Variants in DUOXA1 observed in about 807,000 individuals in gnomAD.
DUOXA1 encodes the protein dual oxidase maturation factor 1.
DUOXA1 carries 19 observed loss-of-function variants against 26.6 expected under a neutral mutation model. The observed-to-expected ratio is 0.71, with a 90% CI of 0.50 to 1.05. The LOEUF (loss-of-function observed/expected upper bound fraction) is 1.05. Ranked by LOEUF, DUOXA1 falls within the 50% of genes least tolerant of loss-of-function variation. The pLI, the probability that DUOXA1 is intolerant of heterozygous loss-of-function variation, is 0.00. For missense variants in DUOXA1, 403 were observed against 427.5 expected, an observed-to-expected ratio of 0.94 and a Z score of 0.51; for synonymous variants, 166 against 177.0, an observed-to-expected ratio of 0.94 and a Z score of 0.49.
intron 3 of DUOXA1, among the ~76,000 whole-genome samples, chr15:45,126,143 A>C (rs1393962980): frequency 2.0e-5 from 3 of 152,156 alleles, no homozygotes; most frequent in Non-Finnish European, 4.4e-5. Flanking sequence ...CTCTGCCCTA[A>C]CCCAAGCTCA....
At position 45,122,339 on chromosome 15, in the gene DUOXA1, CT is replaced by C. The variant is rs1271838070; in HGVS notation, c.148-98del. Reference sequence around the variant, plus strand: ...TGGGGGAGGGGCGGGAATTCTAAAGCTGAGATCACTTGGTCAATTGAAATCA... The same window carrying C: ...TGGGGGAGGGGCGGGAATTCTAAAGCGAGATCACTTGGTCAATTGAAATCA... On this transcript the variant is annotated intron_variant, in intron 4 of 8. Transcript: ENST00000560572. 3 of 1,188,624 alleles carry C rather than the reference CT, an allele frequency of 2.5e-6. No individual in the cohort carries two copies. The African/African-American group carries it at 4.5e-5, about 18-fold the overall frequency. 73.6% of individuals were successfully genotyped at this position (1,188,624 alleles called of 1,614,324 possible).
At position 45,118,060 on chromosome 15, in the gene DUOXA1, C is replaced by T. The variant is rs1260999871; in HGVS notation, c.*1046G>A. On this transcript the variant is annotated 3_prime_UTR_variant, in exon 9 of 9. Transcript: ENST00000560572. ...ATCCGCAGGCACCAGGGAAAGTCTC[C>T]TGGGGCGATCTGTAAATAAACCTTT... 6.4e-7 allele frequency: 1 copy of T among 1,554,884 alleles called. No homozygotes were observed. Among genetic ancestry groups the T allele is most frequent in the Non-Finnish European group, 8.7e-7 (1 of 1,152,280 alleles).
Position 45,119,331 on chromosome 15 carries a change from C to T in DUOXA1, c.807G>A (p.Ala269=), listed in dbSNP as rs750581745. The change falls in exon 9 of 9, where the codon GCG becomes GCA. Residue 269 remains alanine, a synonymous_variant. Transcript: ENST00000560572. ...TGTGAGGCTGCATCCTGTGGGCCAC[C>T]GCCATAGCCAGGCCCAGCAGCACAC... ...LLCVLLGLAM[A]VAHRMQPHRL... The T allele has an allele frequency of 2.1e-5, 34 of 1,613,448 alleles. No homozygotes were observed. Among genetic ancestry groups the T allele is most frequent in the Admixed American group, 1.0e-4 (6 of 59,942 alleles).
At position 45,117,379 on chromosome 15, in the gene DUOXA1, T is replaced by C; in HGVS notation, c.*1727A>G. On this transcript the variant is annotated 3_prime_UTR_variant, in exon 9 of 9. Coordinates refer to ENST00000560572, the MANE Select transcript of DUOXA1 (RefSeq NM_001276266.2). ...TCACACCGGGTGTGCACTTTCCAGTTTACAGAATGAATTCACATCTATTAC... is the reference window on the plus strand; with the variant it reads ...TCACACCGGGTGTGCACTTTCCAGTCTACAGAATGAATTCACATCTATTAC... 6.6e-7 allele frequency: 1 copy of C among 1,504,470 alleles called. No homozygotes were observed. 93.2% of individuals were successfully genotyped at this position (1,504,470 alleles called of 1,614,324 possible).
At position 45,117,638 on chromosome 15, in the gene DUOXA1, G is replaced by A. The variant is rs751877247; in HGVS notation, c.*1468C>T. On this transcript the variant is annotated 3_prime_UTR_variant, in exon 9 of 9. Coordinates refer to ENST00000560572, the MANE Select transcript of DUOXA1 (RefSeq NM_001276266.2). ...GGTCGAGGCAGGAAGGTCGTTTGAG[G>A]CCAGAGTTCGAGACCAGCCTGGGCA... 10 of 1,613,720 alleles carry A rather than the reference G, an allele frequency of 6.2e-6. No homozygotes were observed. The highest frequency in any genetic ancestry group is 5.5e-5 in the South Asian group (5 of 91,072).
At chr15:45,126,567 C>T (rs1314658942) in intron 3 of DUOXA1, among the ~76,000 whole-genome samples, 4 of 152,240 alleles carry the variant, frequency 2.6e-5, no homozygotes, top group African/African-American at 9.6e-5. Context: ...ACAATGATTA[C>T]ATTGTACTCT....
chr15:45,122,907 G>C lies in DUOXA1; in HGVS notation c.108C>G (p.Ala36=). Reference sequence around the variant, plus strand: ...TGCCAGGCAGGATGACGATGAACGTGGCCAGTGCAGTCAGAAAGATCATGA... The same window carrying C: ...TGCCAGGCAGGATGACGATGAACGTCGCCAGTGCAGTCAGAAAGATCATGA... ...SIIMIFLTAL[A]TFIVILPGIR... is the part of the protein sequence containing the mutation. The change falls in exon 4 of 9, where the codon GCC becomes GCG. Residue 36 remains alanine, a synonymous_variant. Coordinates refer to ENST00000560572, the MANE Select transcript of DUOXA1 (RefSeq NM_001276266.2). 6.2e-7 allele frequency: 1 copy of C among 1,612,732 alleles called. No individual in the cohort carries two copies. The highest frequency in any genetic ancestry group is 8.5e-7 in the Non-Finnish European group (1 of 1,179,570).
At chr15:45,128,581 T>G (rs546649234) in intron 3 of DUOXA1, among the ~76,000 whole-genome samples, 2 of 152,328 alleles carry the variant, frequency 1.3e-5, no homozygotes, top group East Asian at 3.9e-4. Flanking sequence ...TGTGTACGTG[T>G]GTATCTGTGT....
rs977638538 is a variant in DUOXA1, at chr15:45,129,164, G to C, written c.-146-30C>G. 6.6e-6 allele frequency: 1 copy of C among 152,138 alleles called. No homozygotes were observed. The highest frequency in any genetic ancestry group is 2.4e-5 in the African/African-American group (1 of 41,414). 9.4% of individuals were successfully genotyped at this position (152,138 alleles called of 1,614,324 possible). ...GAACAAACGCGCGCCCTTACTCTCA[G>C]TGGGGCTCCCGTCCGACCCCCACTC... On this transcript the variant is annotated intron_variant, in intron 2 of 8. Coordinates refer to ENST00000560572, the MANE Select transcript of DUOXA1 (RefSeq NM_001276266.2). The surrounding 1 kb of genome is among the most constrained non-coding windows in gnomAD (Gnocchi z 4.1).
chr15:45,120,495 C>T lies in DUOXA1; in HGVS notation c.554+97G>A, dbSNP rs1895078897. 3 of 1,495,938 alleles carry T rather than the reference C, an allele frequency of 2.0e-6. No individual in the cohort carries two copies. In the South Asian group the frequency reaches 3.4e-5, roughly 17 times the overall value. The allele number at this position is 1,495,938 out of a possible 1,614,324, so 92.7% of individuals were successfully genotyped here. A position where few individuals can be genotyped will look rare whatever the true frequency, so the allele number is the denominator to read the frequency against. ...TGGGGACTGGTGCCAGGCCACCCCA[C>T]CTGAGATACCCACATGAGTGGAGGA... On this transcript the variant is annotated intron_variant, in intron 7 of 8. Coordinates refer to ENST00000560572, the MANE Select transcript of DUOXA1 (RefSeq NM_001276266.2).
intron 7 of DUOXA1, 25 bp downstream of exon 7, chr15:45,120,567 C>G: frequency 6.2e-7 from 1 of 1,611,358 alleles, no homozygotes; most frequent in African/African-American, 1.3e-5. Flanking sequence ...CCAGGGCCTC[C>G]ACCCCGTCTC....
rs756865646 is a variant in DUOXA1, at chr15:45,120,779, T to G, written c.367A>C (p.Thr123Pro). The G allele has an allele frequency of 5.0e-6, 8 of 1,614,020 alleles. No individual in the cohort carries two copies. The South Asian group carries it at 8.8e-5, about 18-fold the overall frequency. The change falls in exon 7 of 9, where the codon ACC becomes CCC. Residue 123 changes from threonine to proline, a missense_variant. Transcript: ENST00000560572. ...TGTPVQQLNE[T>P]INYNEEFTWR... ...GTGAACTCCTCGTTGTAATTGATGG[T>G]CTCATTCAGCTGCTGCACGGGGGTC... is the stretch of plus-strand genomic sequence containing the variant.
chr15:45,122,273 G>T (rs764527409), intron 4 of DUOXA1, 31 bp from the exon 5 acceptor site: 1 of 1,583,418 alleles, frequency 6.3e-7, no homozygotes, highest in East Asian at 2.3e-5. Context: ...GTTAAGTAAA[G>T]AGTGCCTTCC....
intron 3 of DUOXA1, among the ~76,000 whole-genome samples, chr15:45,125,880 G>A (rs1895640335): frequency 1.3e-5 from 2 of 152,170 alleles, no homozygotes; most frequent in South Asian, 4.2e-4. Context: ...ATGTCTTCAG[G>A]TAGTCCTCCT....
intron 8 of DUOXA1, 138 bp from the exon 9 acceptor site, chr15:45,119,503 C>G: frequency 7.3e-7 from 1 of 1,364,584 alleles, no homozygotes; most frequent in Non-Finnish European, 9.7e-7. Context: ...AGAGAGGTGA[C>G]TGGCTGAGGG....
In DUOXA1 at chr15:45,118,348, C is replaced by T. The variant is rs1894828371; in HGVS notation, c.*758G>A. ...GCAGTGATGAGGCAGGTCACCCACT[C>T]CCCCGTCCTGGATGCCACTCAGCTA... On this transcript the variant is annotated 3_prime_UTR_variant, in exon 9 of 9. Coordinates refer to ENST00000560572, the MANE Select transcript of DUOXA1 (RefSeq NM_001276266.2). 8.5e-7 allele frequency: 1 copy of T among 1,172,988 alleles called. No homozygotes were observed. The highest frequency in any genetic ancestry group is 1.1e-6 in the Non-Finnish European group (1 of 948,084). 72.7% of individuals were successfully genotyped at this position (1,172,988 alleles called of 1,614,324 possible).
At position 45,117,432 on chromosome 15, in the gene DUOXA1, G is replaced by GA; in HGVS notation, c.*1673dup. 6.6e-7 allele frequency: 1 copy of GA among 1,526,408 alleles called. No individual in the cohort carries two copies. 94.6% of individuals were successfully genotyped at this position (1,526,408 alleles called of 1,614,324 possible). On this transcript the variant is annotated 3_prime_UTR_variant, in exon 9 of 9. Coordinates refer to ENST00000560572, the MANE Select transcript of DUOXA1 (RefSeq NM_001276266.2). The stretch of plus-strand genomic sequence containing the variant: ...TATTTGCCCCTCTCAATAGTTCGCA[G>GA]AAACAGGCACTGTTATGACCATTTT...
intron 7 of DUOXA1, 79 bp downstream of exon 7, chr15:45,120,513 G>T: frequency 6.5e-7 from 1 of 1,534,686 alleles, no homozygotes; most frequent in Non-Finnish European, 9.0e-7. Context: ...ACCCACATGA[G>T]TGGAGGAGAG....
chr15:45,121,295 A>G, intron 5 of DUOXA1, 74 bp from the exon 6 acceptor site: 1 of 1,605,002 alleles, frequency 6.2e-7, no homozygotes. Context: ...AGAAGGAGAA[A>G]TACAAGGGGT....
Sources: gnomAD v4.1 joint callset for allele counts (sites outside exome capture counted in the v4.1 genomes callset) on GRCh38, gnomAD v4.1.1 for gene constraint, Gnocchi (gnomAD v3.1) non-coding constraint, MANE v1.5 for transcripts, NCBI Gene and HGNC (gene_info 2026-07-23, HGNC 2026-07-21) for gene names.